The following MAF variants were observed in gnomAD, a reference collection of about 807,000 sequenced individuals.
MAF encodes MAF bZIP transcription factor.
Under a neutral mutation model 22.0 loss-of-function variants are expected in MAF, and 10 were observed. The observed-to-expected ratio is 0.45, with a 90% CI of 0.28 to 0.77. MAF has a LOEUF of 0.77. MAF is among the 30% of genes least tolerant of loss of function. The pLI, the probability that MAF is intolerant of heterozygous loss-of-function variation, is 0.12. For missense variants in MAF, 544 were observed against 548.4 expected, an observed-to-expected ratio of 0.99 and a Z score of 0.08; for synonymous variants, 337 against 255.8, an observed-to-expected ratio of 1.32 and a Z score of -3.03.
the MAF span, among the ~76,000 whole-genome samples, chr16:79,445,570 C>A: frequency 6.6e-6 from 1 of 152,196 alleles, no homozygotes; most frequent in African/African-American, 2.4e-5. Flanking sequence ...TCAGGTGCCC[C>A]TTGTCCACTG....
At chr16:79,431,902 C>CGT in the MAF span, among the ~76,000 whole-genome samples, 1 of 152,156 alleles carries the variant, frequency 6.6e-6, no homozygotes, top group African/African-American at 2.4e-5. Flanking sequence ...ACCTTTCCCT[C>CGT]ATATGCCTAT....
chr16:79,590,959 T>C (rs1307130072), downstream of MAF, among the ~76,000 whole-genome samples: 2 of 152,102 alleles, frequency 1.3e-5, no homozygotes, highest in South Asian at 4.2e-4. Flanking sequence ...TGAGGTCATA[T>C]AGAGAACCAG....
At chr16:79,240,553 T>C in the MAF span, among the ~76,000 whole-genome samples, 5 of 134,224 alleles carry the variant, frequency 3.7e-5, no homozygotes, top group African/African-American at 1.1e-4. Context: ...TAGGGGCTTA[T>C]TGATAAAAAA....
chr16:79,560,885 G>C, the MAF span, among the ~76,000 whole-genome samples: 1 of 152,174 alleles, frequency 6.6e-6, no homozygotes, highest in Admixed American at 6.5e-5. Flanking sequence ...ACACAGAGCA[G>C]GACTACCTAA....
the MAF span, among the ~76,000 whole-genome samples, chr16:79,452,410 C>G: frequency 6.6e-6 from 1 of 152,128 alleles, no homozygotes; most frequent in South Asian, 2.1e-4. Flanking sequence ...GATGAAAAAA[C>G]TGATAAACTG....
At chr16:79,472,148 G>A in the MAF span, among the ~76,000 whole-genome samples, 1 of 152,078 alleles carries the variant, frequency 6.6e-6, no homozygotes, top group Non-Finnish European at 1.5e-5. Flanking sequence ...ATATTTAGAT[G>A]ACTCAAATCC....
At chr16:79,341,738 G>C in the MAF span, among the ~76,000 whole-genome samples, 1 of 152,188 alleles carries the variant, frequency 6.6e-6, no homozygotes, top group Non-Finnish European at 1.5e-5. Context: ...GGTTGAAGGA[G>C]GAGTGGAAGC....
At chr16:79,549,657 T>C in the MAF span, among the ~76,000 whole-genome samples, 2 of 152,178 alleles carry the variant, frequency 1.3e-5, no homozygotes, top group Admixed American at 6.5e-5. Flanking sequence ...TCCCCGTTGG[T>C]TCCATTTTGT....
At chr16:79,286,729 G>A in the MAF span, among the ~76,000 whole-genome samples, 3 of 152,154 alleles carry the variant, frequency 2.0e-5, no homozygotes, top group African/African-American at 7.2e-5. Flanking sequence ...AAACAACCCA[G>A]ACAGAGGCAA....
chr16:79,596,279 A>C (rs1002973749), intron 1 of MAF: 2 of 1,060,082 alleles, frequency 1.9e-6, no homozygotes, highest in African/African-American at 1.6e-5. Context: ...ATGAGGTCAT[A>C]ATTTACATCT....
the MAF span, among the ~76,000 whole-genome samples, chr16:79,377,571 C>A: frequency 6.6e-6 from 1 of 152,114 alleles, no homozygotes; most frequent in African/African-American, 2.4e-5. Flanking sequence ...GTTGCCGTTG[C>A]TTTTGGTGTT....
At chr16:79,235,863 G>T in the MAF span, among the ~76,000 whole-genome samples, 1 of 152,024 alleles carries the variant, frequency 6.6e-6, no homozygotes, top group South Asian at 2.1e-4. Flanking sequence ...CACTGATAGT[G>T]GAATTCAGAA....
chr16:79,293,837 AAGAG>A, the MAF span, among the ~76,000 whole-genome samples: 2,188 of 148,360 alleles, frequency 0.015, 42 homozygotes, highest in African/African-American at 0.041. Flanking sequence ...TCTAAATGAA[AAGAG>A]AGAGAGAGAG....
chr16:79,249,444 T>G, the MAF span, among the ~76,000 whole-genome samples: 1 of 147,996 alleles, frequency 6.8e-6, no homozygotes, highest in South Asian at 2.1e-4. Flanking sequence ...AAAAGGAGGT[T>G]GAAGGATGCC....
At chr16:79,434,598 A>C in the MAF span, among the ~76,000 whole-genome samples, 3 of 152,028 alleles carry the variant, frequency 2.0e-5, no homozygotes, top group Admixed American at 2.0e-4. Flanking sequence ...TGTTGTTAAA[A>C]GTATACATAT....
chr16:79,298,266 C>T, the MAF span, among the ~76,000 whole-genome samples: 27 of 152,208 alleles, frequency 1.8e-4, no homozygotes, highest in Non-Finnish European at 3.8e-4. Context: ...AAAAGAGCAG[C>T]CCTCCTCAGT....
intron 1 of MAF, chr16:79,596,899 T>C: frequency 6.7e-6 from 7 of 1,049,936 alleles, no homozygotes; most frequent in Non-Finnish European, 8.1e-6. Flanking sequence ...TTTTTTTGTA[T>C]TATATGCTTG....
At chr16:79,211,732 C>G in the MAF span, 1 of 1,614,218 alleles carries the variant, frequency 6.2e-7, no homozygotes, top group South Asian at 1.1e-5. Flanking sequence ...GAAGAGACGG[C>G]CCGGACCCTG....
the MAF span, among the ~76,000 whole-genome samples, chr16:79,510,079 G>C: frequency 1.3e-5 from 2 of 152,180 alleles, no homozygotes; most frequent in Non-Finnish European, 2.9e-5. Context: ...CCATTTACTA[G>C]CTCGGCGATT....
Sources: allele counts gnomAD v4.1 joint callset (sites outside exome capture counted in the v4.1 genomes callset), GRCh38; gene constraint gnomAD v4.1.1; transcripts MANE v1.5; gene names NCBI Gene and HGNC (gene_info 2026-07-23, HGNC 2026-07-21).